The following SDCCAG8 variants were observed in gnomAD, a reference collection of about 807,000 sequenced individuals.
The protein encoded by SDCCAG8 is serologically defined colon cancer antigen 8.
In SDCCAG8, 74 loss-of-function variants were observed where a neutral mutation model predicts 101.8. The observed-to-expected ratio is 0.73, with a 90% CI of 0.60 to 0.88. The LOEUF is 0.88. SDCCAG8 is among the 40% of genes least tolerant of loss of function. The probability of loss-of-function intolerance (pLI) is 0.00; values close to 1 mark genes in which losing one functional copy is unlikely to be tolerated. For synonymous variants in SDCCAG8, 281 were observed against 292.9 expected (o/e 0.96, Z 0.41); for missense variants, 787 against 822.6 (o/e 0.96, Z 0.53).
intron 9 of SDCCAG8, among the ~76,000 whole-genome samples, chr1:243,323,520 C>T (rs980551503): frequency 3.3e-5 from 5 of 152,114 alleles, no homozygotes; most frequent in African/African-American, 1.2e-4. Context: ...TTTCTCTCCA[C>T]TGTTTTTCCC....
chr1:243,349,566 C>T (rs1465099557), intron 12 of SDCCAG8, among the ~76,000 whole-genome samples: 2 of 152,138 alleles, frequency 1.3e-5, no homozygotes, highest in East Asian at 3.9e-4. Context: ...GTTTGAAGAC[C>T]CATGTATCTT....
At chr1:243,337,906 T>C (rs1437179661) in intron 10 of SDCCAG8, among the ~76,000 whole-genome samples, 1 of 152,156 alleles carries the variant, frequency 6.6e-6, no homozygotes, top group Non-Finnish European at 1.5e-5. Flanking sequence ...TAATTCCATA[T>C]AATTCCTTCT....
At chr1:243,496,417 A>G (rs997719279) in intron 17 of SDCCAG8, among the ~76,000 whole-genome samples, 2 of 152,214 alleles carry the variant, frequency 1.3e-5, no homozygotes, top group African/African-American at 2.4e-5. Flanking sequence ...AATGCCCCAG[A>G]TGGAGGTAGG....
intron 13 of SDCCAG8, among the ~76,000 whole-genome samples, chr1:243,391,414 C>T (rs1004647292): frequency 6.6e-5 from 10 of 152,158 alleles, no homozygotes; most frequent in African/African-American, 2.4e-4. Context: ...CAGTCAGTCT[C>T]GGGAGATGAG....
At chr1:243,282,315 A>C (rs1344607161) in intron 4 of SDCCAG8, among the ~76,000 whole-genome samples, 1 of 152,192 alleles carries the variant, frequency 6.6e-6, no homozygotes, top group African/African-American at 2.4e-5. Context: ...CTTCTTGAAT[A>C]GTATAAATTG....
At chr1:243,488,952 C>T in intron 16 of SDCCAG8, 62 bp from the exon 17 acceptor site, 3 of 1,611,834 alleles carry the variant, frequency 1.9e-6, no homozygotes, top group Admixed American at 3.3e-5. Flanking sequence ...TACACACAGC[C>T]CCTGGGCCTG....
In SDCCAG8 at chr1:243,442,038, A is replaced by G. The variant is rs191134103; in HGVS notation, c.1985+15480A>G. 2.2e-4 allele frequency among the ~76,000 whole-genome samples: 34 copies of G among 152,346 alleles called. No individual in the cohort carries two copies. The East Asian group carries it at 2.3e-3, about 10-fold the overall frequency. ...GCTCTTTAAAGATGGAAACTATTAT[A>G]ATAAAACTTCGTATTTTTACAAAAT... On this transcript the variant is annotated intron_variant, in intron 16 of 17. Coordinates refer to ENST00000366541, the MANE Select transcript of SDCCAG8 (RefSeq NM_006642.5).
At chr1:243,375,335 G>T (rs1411072489) in intron 12 of SDCCAG8, among the ~76,000 whole-genome samples, 1 of 152,098 alleles carries the variant, frequency 6.6e-6, no homozygotes, top group Non-Finnish European at 1.5e-5. Flanking sequence ...TCCTTGTTAT[G>T]AGCCATTTAA....
At chr1:243,423,601 G>T (rs960939279) in intron 15 of SDCCAG8, among the ~76,000 whole-genome samples, 8 of 152,030 alleles carry the variant, frequency 5.3e-5, no homozygotes, top group South Asian at 2.1e-4. Context: ...CTAAATTTTT[G>T]ATTGTTTCCT....
intron 16 of SDCCAG8, among the ~76,000 whole-genome samples, chr1:243,483,811 T>C (rs1199772858): frequency 6.6e-6 from 1 of 152,218 alleles, no homozygotes; most frequent in Non-Finnish European, 1.5e-5. Flanking sequence ...CTGCCAGCCA[T>C]TGAAGGCGGA....
intron 1 of SDCCAG8, among the ~76,000 whole-genome samples, chr1:243,260,754 A>G (rs1220214111): frequency 6.6e-6 from 1 of 152,214 alleles, no homozygotes; most frequent in Non-Finnish European, 1.5e-5. Context: ...AACTTCTTGT[A>G]TGACAGGAAC....
In SDCCAG8 at chr1:243,499,814, T is replaced by C; in HGVS notation, c.*29T>C. The C allele has an allele frequency of 6.2e-7, 1 of 1,605,588 alleles. No homozygotes were observed. Among genetic ancestry groups the C allele is most frequent in the Non-Finnish European group, 8.5e-7 (1 of 1,173,032 alleles). On this transcript the variant is annotated 3_prime_UTR_variant, in exon 18 of 18. Coordinates refer to ENST00000366541, the MANE Select transcript of SDCCAG8 (RefSeq NM_006642.5). ...GGATGGAACAGAGTGAAATAAATGA[T>C]TTACAAAGAGATATTTACATTCATC...
chr1:243,493,100 G>A (rs964146181), intron 17 of SDCCAG8, among the ~76,000 whole-genome samples: 63 of 152,206 alleles, frequency 4.1e-4, no homozygotes, highest in Admixed American at 4.0e-3. Context: ...TCTGTATTCC[G>A]GGAGGGTCAG....
chr1:243,272,409 A>G (rs1363993529), intron 3 of SDCCAG8, among the ~76,000 whole-genome samples: 1 of 152,244 alleles, frequency 6.6e-6, no homozygotes, highest in Non-Finnish European at 1.5e-5. Context: ...TCATATGCAT[A>G]TTCTAAATTT....
chr1:243,325,679 C>G (rs2149343141), intron 9 of SDCCAG8, among the ~76,000 whole-genome samples: 1 of 152,256 alleles, frequency 6.6e-6, no homozygotes, highest in African/African-American at 2.4e-5. Flanking sequence ...CCTACTCTCA[C>G]CACTTTCTAG....
intron 16 of SDCCAG8, among the ~76,000 whole-genome samples, chr1:243,457,173 A>G (rs1277697635): frequency 1.3e-5 from 2 of 152,212 alleles, no homozygotes; most frequent in South Asian, 4.1e-4. Flanking sequence ...TGATTATTTC[A>G]TATTTTTTTC....
chr1:243,435,449 A>G (rs896450094), intron 16 of SDCCAG8, among the ~76,000 whole-genome samples: 1 of 152,190 alleles, frequency 6.6e-6, no homozygotes, highest in Non-Finnish European at 1.5e-5. Flanking sequence ...ATTCATTCAT[A>G]TCCTTCATTC....
chr1:243,321,637 G>A (rs1454286692), intron 9 of SDCCAG8, among the ~76,000 whole-genome samples: 1 of 152,038 alleles, frequency 6.6e-6, no homozygotes, highest in Non-Finnish European at 1.5e-5. Flanking sequence ...CCATTTATGG[G>A]CACCTAAGTT....
chr1:243,431,844 G>C (rs921038181), intron 16 of SDCCAG8, among the ~76,000 whole-genome samples: 8 of 152,068 alleles, frequency 5.3e-5, no homozygotes, highest in Admixed American at 1.3e-4. Context: ...CGGGGGTTTC[G>C]TCAATTACAC....
Sources: gnomAD v4.1 joint callset for allele counts (sites outside exome capture counted in the v4.1 genomes callset) on GRCh38, gnomAD v4.1.1 for gene constraint, MANE v1.5 for transcripts, NCBI Gene and HGNC (gene_info 2026-07-23, HGNC 2026-07-21) for gene names.